The following NSD1 variants were observed in gnomAD, a reference collection of about 807,000 sequenced individuals.
NSD1 encodes histone-lysine N-methyltransferase, H3 lysine-36 specific.
In NSD1, 26 loss-of-function variants were observed where a neutral mutation model predicts 242.7. That is an observed-to-expected ratio of 0.11 (90% CI 0.08 to 0.15). NSD1 has a LOEUF of 0.15. NSD1 is among the 10% of genes least tolerant of loss of function. NSD1 has a pLI of 1.00. For missense variants in NSD1, 2,495 were observed against 3,272.8 expected (o/e 0.76, Z 5.80); for synonymous variants, 1,106 against 1,178.1 (o/e 0.94, Z 1.25).
At chr5:177,202,545 G>A (rs4976677) in intron 3 of NSD1, among the ~76,000 whole-genome samples, 126,357 of 151,894 alleles carry the variant, frequency 0.83, 53,285 homozygotes, top group East Asian at 1. Context: ...TCCTCAGCCA[G>A]TATTTTTATT....
At chr5:177,215,816 A>G (rs1354780320) in intron 5 of NSD1, among the ~76,000 whole-genome samples, 5 of 152,226 alleles carry the variant, frequency 3.3e-5, no homozygotes, top group Non-Finnish European at 7.4e-5. Context: ...ATGAACCTCT[A>G]TAGTGTTTTG....
In NSD1 at chr5:177,210,678, G is replaced by A. The variant is rs1763266375; in HGVS notation, c.2279G>A (p.Ser760Asn). 1.9e-6 allele frequency: 3 copies of A among 1,614,034 alleles called. No individual in the cohort carries two copies. The highest frequency in any genetic ancestry group is 1.3e-5 in the African/African-American group (1 of 74,908). ...TCTCCAAAATTCAACCTGTCATCAAGCATATCCAGTGAGAACTCGTTAATA... is the reference window on the plus strand; with the variant it reads ...TCTCCAAAATTCAACCTGTCATCAAACATATCCAGTGAGAACTCGTTAATA... ...ALSPKFNLSS[S>N]ISSENSLIKG... Residue 760 changes from serine to asparagine, a missense_variant, in exon 5 of 23, where the codon AGC (serine) becomes AAC (asparagine). Physicochemically the swap from Ser to Asn is conservative, Grantham distance 46. Around this residue, in one of 19 missense-constraint regions of NSD1, gnomAD observed 515 missense variants for 467.0 expected, o/e 1.10. Transcript: ENST00000439151.
chr5:177,152,503 G>C (rs1254680398), intron 2 of NSD1, among the ~76,000 whole-genome samples: 1 of 135,980 alleles, frequency 7.4e-6, no homozygotes, highest in African/African-American at 2.8e-5. Context: ...TTTTTGAGAC[G>C]GAGTCTCCCT....
chr5:177,224,617 T>C (rs927842268), intron 5 of NSD1, among the ~76,000 whole-genome samples: 1 of 151,306 alleles, frequency 6.6e-6, no homozygotes, highest in Admixed American at 6.7e-5. Flanking sequence ...TTATGAATTA[T>C]TTTGGATTTT....
chr5:177,191,244 A>G (rs967307161), intron 2 of NSD1, among the ~76,000 whole-genome samples: 7 of 152,190 alleles, frequency 4.6e-5, no homozygotes, highest in African/African-American at 1.4e-4. Context: ...TGCTGGGATT[A>G]CAGGCATGAG....
At position 177,228,999 on chromosome 5, in the gene NSD1, C is replaced by A. The variant is rs1311308602; in HGVS notation, c.3797-6822C>A. On this transcript the variant is annotated intron_variant, in intron 5 of 22. Coordinates refer to ENST00000439151, the MANE Select transcript of NSD1 (RefSeq NM_022455.5). The stretch of plus-strand genomic sequence containing the variant: ...GACTGTCTCTGTAGATTTGCCTTTT[C>A]CCTGGACATTTAATATTAATGGAAT... Among the ~76,000 whole-genome samples the A allele has an allele frequency of 2.0e-5, 3 of 152,096 alleles. No homozygotes were observed. The East Asian group carries it at 5.8e-4, about 29-fold the overall frequency.
At chr5:177,264,028 ATTTTTTTTTTT>A (rs61538775) in intron 14 of NSD1, among the ~76,000 whole-genome samples, 5 of 76,390 alleles carry the variant, frequency 6.5e-5, no homozygotes, top group African/African-American at 5.1e-5. Flanking sequence ...CAATGAACCA[ATTTTTTTTTTT>A]TTTTTTTTTT....
chr5:177,237,496 A>ATAT (rs11315002), intron 6 of NSD1, among the ~76,000 whole-genome samples: 7 of 148,070 alleles, frequency 4.7e-5, no homozygotes, highest in South Asian at 2.1e-4. Context: ...TGGTTAAAAA[A>ATAT]ATATATATAT....
intron 2 of NSD1, among the ~76,000 whole-genome samples, chr5:177,166,786 G>A (rs1759243159): frequency 7.0e-6 from 1 of 142,970 alleles, no homozygotes; most frequent in South Asian, 2.2e-4. Flanking sequence ...TCGTTCTGTC[G>A]CCCAGGCTGT....
chr5:177,286,508 A>G (rs1273927598), intron 20 of NSD1, among the ~76,000 whole-genome samples: 1 of 152,208 alleles, frequency 6.6e-6, no homozygotes, highest in African/African-American at 2.4e-5. Flanking sequence ...GGAATACCAG[A>G]TACGATTCTA....
At chr5:177,171,737 C>T (rs533846064) in intron 2 of NSD1, among the ~76,000 whole-genome samples, 1 of 152,274 alleles carries the variant, frequency 6.6e-6, no homozygotes, top group South Asian at 2.1e-4. Flanking sequence ...TGGTGTATTT[C>T]ACTTAGCATA....
At chr5:177,248,119 A>AGG in intron 10 of NSD1, 62 bp from the exon 11 acceptor site, 1 of 1,603,202 alleles carries the variant, frequency 6.2e-7, no homozygotes, top group Non-Finnish European at 8.5e-7. Context: ...GCCCAGAGGG[A>AGG]GGGGGTCAAA....
chr5:177,262,842 C>T (rs1757100682), intron 14 of NSD1, among the ~76,000 whole-genome samples: 1 of 152,236 alleles, frequency 6.6e-6, no homozygotes, highest in Admixed American at 6.5e-5. Context: ...GATAGCTTAT[C>T]TTCACAGGTG....
intron 2 of NSD1, among the ~76,000 whole-genome samples, chr5:177,157,901 T>TG (rs1222489684): frequency 3.3e-5 from 5 of 152,218 alleles, no homozygotes. Flanking sequence ...AGCATAATGT[T>TG]TTAAGGCCCA....
At chr5:177,265,118 G>A in intron 14 of NSD1, 22 of 754,820 alleles carry the variant, frequency 2.9e-5, no homozygotes, top group Non-Finnish European at 4.4e-5. Flanking sequence ...AGAAGCCAAA[G>A]AGAAAGTTAA....
rs768369090 is a variant in NSD1 at position 177,211,204 on chromosome 5, T to C, written c.2805T>C (p.Ser935=). The change falls in exon 5 of 23, where the codon TCT becomes TCC. Residue 935 remains serine, a synonymous_variant. Transcript: ENST00000439151. The part of the protein sequence containing the change: ...QRLMTAQNLV[S]YRSPGRGDCS... ...TGATGACTGCTCAAAACCTGGTCTC[T>C]TACCGGAGTCCTGGTCGTGGGGACT... The C allele has an allele frequency of 4.3e-6, 7 of 1,613,872 alleles. No homozygotes were observed. The highest frequency in any genetic ancestry group is 5.9e-6 in the Non-Finnish European group (7 of 1,179,930).
chr5:177,178,528 T>C (rs1224554073), intron 2 of NSD1, among the ~76,000 whole-genome samples: 1 of 152,146 alleles, frequency 6.6e-6, no homozygotes, highest in Non-Finnish European at 1.5e-5. Context: ...ACCCGGCCTT[T>C]AATAGACATG....
At chr5:177,186,316 C>T (rs908237025) in intron 2 of NSD1, among the ~76,000 whole-genome samples, 4 of 150,816 alleles carry the variant, frequency 2.7e-5, no homozygotes, top group African/African-American at 9.8e-5. Context: ...AAAATTGTTG[C>T]ACTATGGCTA....
chr5:177,251,990 C>A, intron 12 of NSD1, 137 bp downstream of exon 12: 1 of 1,060,094 alleles, frequency 9.4e-7, no homozygotes, highest in Non-Finnish European at 1.4e-6. Flanking sequence ...GCTGTGGGGT[C>A]ACTGCTTTCA....
Sources: gnomAD v4.1 joint callset for allele counts (sites outside exome capture counted in the v4.1 genomes callset) on GRCh38, gnomAD v4.1.1 for gene constraint, gnomAD v4.1.1 regional missense constraint, MANE v1.5 for transcripts, NCBI Gene and HGNC (gene_info 2026-07-23, HGNC 2026-07-21) for gene names.